HPSE2: variants seen among roughly 807,000 people sequenced by gnomAD.
HPSE2 encodes the protein heparanase 2 (inactive).
A neutral mutation model predicts 60.5 loss-of-function variants in HPSE2; 38 were observed. The observed-to-expected ratio is 0.63, with a 90% confidence interval of 0.48 to 0.82. The LOEUF is 0.82. Ranked by LOEUF, HPSE2 falls within the 40% of genes least tolerant of loss-of-function variation. The pLI is 0.00. For missense variants in HPSE2, 713 were observed against 740.4 expected, an observed-to-expected ratio of 0.96 and a Z score of 0.43; for synonymous variants, 295 against 293.2, an observed-to-expected ratio of 1.01 and a Z score of -0.06.
At chr10:98,520,938 G>C (rs552808775) in intron 9 of HPSE2, among the ~76,000 whole-genome samples, 1 of 152,118 alleles carries the variant, frequency 6.6e-6, no homozygotes, top group Non-Finnish European at 1.5e-5. Context: ...GCTAGCCATA[G>C]GTAGAAAGCT....
chr10:99,273,413 G>A, the HPSE2 span, among the ~76,000 whole-genome samples: 2 of 151,906 alleles, frequency 1.3e-5, no homozygotes, highest in African/African-American at 4.8e-5. Flanking sequence ...AAAACCTATT[G>A]AAATAAATAA....
At chr10:99,134,395 G>A (rs1845562521) in intron 3 of HPSE2, among the ~76,000 whole-genome samples, 1 of 152,132 alleles carries the variant, frequency 6.6e-6, no homozygotes, top group South Asian at 2.1e-4. Context: ...TCCTTGAGAA[G>A]AGCAACCCCA....
At chr10:98,804,280 G>A (rs548034565) in intron 3 of HPSE2, among the ~76,000 whole-genome samples, 1 of 152,076 alleles carries the variant, frequency 6.6e-6, no homozygotes, top group South Asian at 2.1e-4. Flanking sequence ...ATGGACAAAT[G>A]GGATCACACC....
chr10:99,196,694 T>C (rs1848410858), intron 2 of HPSE2, among the ~76,000 whole-genome samples: 1 of 152,078 alleles, frequency 6.6e-6, no homozygotes, highest in African/African-American at 2.4e-5. Context: ...ATGGCTTACA[T>C]CCAAAAGACA....
At chr10:99,292,174 G>C in the HPSE2 span, among the ~76,000 whole-genome samples, 1 of 152,140 alleles carries the variant, frequency 6.6e-6, no homozygotes, top group African/African-American at 2.4e-5. Flanking sequence ...AAGGGGAGAG[G>C]AGCAAGTAGC....
At chr10:98,776,640 T>C (rs1451986753) in intron 3 of HPSE2, among the ~76,000 whole-genome samples, 2 of 152,018 alleles carry the variant, frequency 1.3e-5, no homozygotes, top group African/African-American at 4.8e-5. Flanking sequence ...AGACAAAATA[T>C]AATTAGGGAA....
chr10:98,665,277 C>A (rs553445), intron 6 of HPSE2, among the ~76,000 whole-genome samples: 28,130 of 152,014 alleles, frequency 0.19, 3,082 homozygotes, highest in East Asian at 0.34. Flanking sequence ...CTGAAACATA[C>A]AGGATAATGT....
At chr10:99,053,968 T>C (rs1958051471) in intron 3 of HPSE2, among the ~76,000 whole-genome samples, 1 of 151,558 alleles carries the variant, frequency 6.6e-6, no homozygotes, top group South Asian at 2.1e-4. Flanking sequence ...ACTCCCGAGC[T>C]CAGGCAATCT....
At chr10:98,680,263 G>A (rs953737892) in intron 6 of HPSE2, among the ~76,000 whole-genome samples, 1 of 152,078 alleles carries the variant, frequency 6.6e-6, no homozygotes, top group Non-Finnish European at 1.5e-5. Context: ...TAGTAAAAGT[G>A]TACTTTTCCT....
intron 3 of HPSE2, among the ~76,000 whole-genome samples, chr10:98,988,474 C>T (rs1481881169): frequency 4.6e-5 from 7 of 151,196 alleles, no homozygotes; most frequent in East Asian, 2.0e-4. Flanking sequence ...CCCTTCCTTA[C>T]ACCTTATACA....
At position 98,685,579 on chromosome 10, in the gene HPSE2, GTTTA is replaced by G. The variant is rs931765840; in HGVS notation, c.1004+8317_1004+8320del. On this transcript the variant is annotated intron_variant, in intron 6 of 11. Transcript: ENST00000370552. ...ATCCATGTTGTGGCACATATCATTA[GTTTA>G]TTTCTTTATCTTGCTGAGTAGTATC... Among the ~76,000 whole-genome samples, 4 of 152,126 alleles carry G rather than the reference GTTTA, an allele frequency of 2.6e-5. No individual in the cohort carries two copies. The East Asian group carries it at 7.7e-4, about 29-fold the overall frequency.
chr10:98,880,513 G>A (rs1952993786), intron 3 of HPSE2, among the ~76,000 whole-genome samples: 1 of 151,954 alleles, frequency 6.6e-6, no homozygotes, highest in South Asian at 2.1e-4. Context: ...TTGTGACTTT[G>A]TCACTTAGCC....
intron 3 of HPSE2, among the ~76,000 whole-genome samples, chr10:98,949,587 C>T (rs2135188247): frequency 6.6e-6 from 1 of 152,232 alleles, no homozygotes; most frequent in Non-Finnish European, 1.5e-5. Context: ...GTCAGTAATT[C>T]CTGAGCCTCA....
intron 9 of HPSE2, among the ~76,000 whole-genome samples, chr10:98,578,340 G>A (rs951470083): frequency 6.6e-6 from 1 of 152,076 alleles, no homozygotes; most frequent in Admixed American, 6.5e-5. Context: ...CCCAAGTCAT[G>A]AGGTGCACAG....
intron 10 of HPSE2, among the ~76,000 whole-genome samples, chr10:98,483,797 C>T (rs1941338400): frequency 6.6e-6 from 1 of 152,174 alleles, no homozygotes. Context: ...ACAGTTGAGC[C>T]ATGATGGACA....
At chr10:98,461,618 C>A in intron 11 of HPSE2, 1 of 603,928 alleles carries the variant, frequency 1.7e-6, no homozygotes, top group Non-Finnish European at 2.9e-6. Context: ...ATATCTATCA[C>A]CCAGATATAA....
chr10:98,804,050 T>C (rs1950982948), intron 3 of HPSE2, among the ~76,000 whole-genome samples: 2 of 152,064 alleles, frequency 1.3e-5, no homozygotes, highest in South Asian at 4.2e-4. Flanking sequence ...CCCTTGTAAG[T>C]TGGATTCCTA....
intron 3 of HPSE2, among the ~76,000 whole-genome samples, chr10:99,132,503 G>A (rs1376566907): frequency 6.6e-6 from 1 of 152,136 alleles, no homozygotes; most frequent in Non-Finnish European, 1.5e-5. Context: ...CGAGATCGAT[G>A]CAGAAGGCAG....
intron 3 of HPSE2, among the ~76,000 whole-genome samples, chr10:98,832,886 G>C (rs1442396912): frequency 2.0e-5 from 3 of 152,162 alleles, no homozygotes; most frequent in Admixed American, 2.0e-4. Flanking sequence ...GCAAGCCTGG[G>C]AATGTGATTC....
Sources: gnomAD v4.1 joint callset for allele counts (sites outside exome capture counted in the v4.1 genomes callset) on GRCh38, gnomAD v4.1.1 for gene constraint, MANE v1.5 for transcripts, NCBI Gene and HGNC (gene_info 2026-07-23, HGNC 2026-07-21) for gene names.